CFDP1: variants seen among roughly 807,000 people sequenced by gnomAD.
The protein encoded by CFDP1 is chromatin remodeling protein CFDP1.
CFDP1 carries 31 observed loss-of-function variants against 40.1 expected under a neutral mutation model. The observed-to-expected ratio is 0.77, with a 90% CI of 0.58 to 1.04. CFDP1 has a LOEUF of 1.04. Ranked by LOEUF, CFDP1 falls within the 50% of genes least tolerant of loss-of-function variation. The probability of loss-of-function intolerance (pLI) is 0.00; values close to 1 mark genes in which losing one functional copy is unlikely to be tolerated. For missense variants in CFDP1, 423 were observed against 343.4 expected (o/e 1.23, Z -1.83); for synonymous variants, 167 against 120.0 (o/e 1.39, Z -2.56).
intron 4 of CFDP1, among the ~76,000 whole-genome samples, chr16:75,410,278 T>G (rs1163084042): frequency 6.6e-6 from 1 of 152,182 alleles, no homozygotes; most frequent in Admixed American, 6.5e-5. Flanking sequence ...TGATTGGCAC[T>G]TCCTCTGTTC....
rs1052484100 is a variant in CFDP1 at position 75,433,424 on chromosome 16, G to A, written c.-72C>T. 80 of 1,443,518 alleles carry A rather than the reference G, an allele frequency of 5.5e-5. No homozygotes were observed. The highest frequency in any genetic ancestry group is 4.1e-4 in the Middle Eastern group (2 of 4,900). The allele number at this position is 1,443,518 out of a possible 1,614,324, so 89.4% of individuals were successfully genotyped here. On this transcript the variant is annotated 5_prime_UTR_variant, in exon 1 of 7. Transcript: ENST00000283882. The stretch of plus-strand genomic sequence containing the variant: ...GCCTCCAACGGCAAAGCTCTAGGGA[G>A]AGACCATAGAGCCCCGGCGGCGGCG...
At chr16:75,351,123 C>T (rs2078607525) in intron 5 of CFDP1, among the ~76,000 whole-genome samples, 2 of 152,142 alleles carry the variant, frequency 1.3e-5, no homozygotes, top group African/African-American at 4.8e-5. Flanking sequence ...GACATCTCAT[C>T]ATTCCGGTGT....
chr16:75,297,146 T>TTTTGTGTGTGTGTGTGTGTGTGTGTG (rs1555551779), intron 6 of CFDP1, among the ~76,000 whole-genome samples: 36 of 133,082 alleles, frequency 2.7e-4, no homozygotes, highest in Middle Eastern at 4.0e-3. Context: ...TTCCCATTTC[T>TTTTGTGTGTGTGTGTGTGTGTGTGTG]TGTGTGTGTG....
chr16:75,311,117 C>A (rs184484050), intron 5 of CFDP1, among the ~76,000 whole-genome samples: 3 of 152,252 alleles, frequency 2.0e-5, no homozygotes, highest in East Asian at 1.9e-4. Flanking sequence ...TTTAGTCCAA[C>A]CTCCTTATTT....
At chr16:75,296,495 A>T (rs1380732353) in intron 6 of CFDP1, among the ~76,000 whole-genome samples, 3 of 152,102 alleles carry the variant, frequency 2.0e-5, no homozygotes, top group African/African-American at 7.2e-5. Context: ...TTGGCCTCCC[A>T]AGTGCTAGGA....
At chr16:75,365,322 G>C (rs1235473943) in intron 5 of CFDP1, among the ~76,000 whole-genome samples, 1 of 152,158 alleles carries the variant, frequency 6.6e-6, no homozygotes, top group African/African-American at 2.4e-5. Flanking sequence ...ATATACTCTG[G>C]CCAATACATA....
chr16:75,430,806 C>T (rs528686079), intron 1 of CFDP1, among the ~76,000 whole-genome samples: 48 of 152,220 alleles, frequency 3.2e-4, no homozygotes, highest in African/African-American at 1.1e-3. Flanking sequence ...AGCAGACAGG[C>T]TTCAGAGAGA....
Position 75,414,598 on chromosome 16 carries a change from C to G in CFDP1, c.162G>C (p.Lys54Asn). ...QTQKTQGKKR[K>N]AQSIPARKRR... is the part of the protein sequence containing the mutation. ...ATCACCTGGCTGGAATGCTCTGGGCCTTTCTTTTTTTCCCTTGGGTTTTCT... is the reference window on the plus strand; with the variant it reads ...ATCACCTGGCTGGAATGCTCTGGGCGTTTCTTTTTTTCCCTTGGGTTTTCT... Residue 54 changes from lysine (K) to asparagine (N), a missense_variant, in exon 2 of 7, where the codon AAG becomes AAC. Coordinates refer to ENST00000283882, the MANE Select transcript of CFDP1 (RefSeq NM_006324.3). 2 of 1,613,316 alleles carry G rather than the reference C, an allele frequency of 1.2e-6. No homozygotes were observed. The highest frequency in any genetic ancestry group is 8.5e-7 in the Non-Finnish European group (1 of 1,179,354).
At chr16:75,380,123 G>C (rs549742143) in intron 5 of CFDP1, 1 of 150,770 alleles carries the variant, frequency 6.6e-6, no homozygotes, top group Admixed American at 6.6e-5. Flanking sequence ...GGGCAACACA[G>C]CAAAACTCCA....
chr16:75,426,603 G>A (rs2079345326), intron 1 of CFDP1, among the ~76,000 whole-genome samples: 1 of 151,932 alleles, frequency 6.6e-6, no homozygotes, highest in Non-Finnish European at 1.5e-5. Flanking sequence ...TTGAGCCCAG[G>A]AAGTAAAGGT....
Position 75,412,696 on chromosome 16 carries a change from C to T in CFDP1, c.241G>A (p.Glu81Lys), listed in dbSNP as rs557051160. The T allele has an allele frequency of 2.5e-6, 4 of 1,614,148 alleles. No homozygotes were observed. Among genetic ancestry groups the T allele is most frequent in the Admixed American group, 3.3e-5 (2 of 60,010 alleles). Residue 81 changes from glutamate to lysine, a missense_variant, in exon 3 of 7, where the codon GAA becomes AAA. By Grantham distance (56) the Glu-to-Lys change is moderately conservative. Transcript: ENST00000283882. ...TCCTCACTACTGCTTCCCTCAGATT[C>T]TGAATTGGCATCCTCCTCTTCCTCT... Reference protein sequence around the residue: ...EEEEEEDANSESEGSSSEEED... With the variant: ...EEEEEEDANSKSEGSSSEEED...
At chr16:75,326,753 C>T (rs1396435165) in intron 5 of CFDP1, among the ~76,000 whole-genome samples, 1 of 152,150 alleles carries the variant, frequency 6.6e-6, no homozygotes, top group Non-Finnish European at 1.5e-5. Context: ...TTCAAGACAT[C>T]CAAATGGCTT....
At chr16:75,398,981 C>G (rs1443372693) in intron 4 of CFDP1, among the ~76,000 whole-genome samples, 2 of 150,548 alleles carry the variant, frequency 1.3e-5, no homozygotes, top group Non-Finnish European at 3.0e-5. Flanking sequence ...AGTGGGAACC[C>G]GGGAGGTGGA....
chr16:75,299,163 A>C lies in CFDP1; in HGVS notation c.810-5121T>G, dbSNP rs936359095. ...CTGGGAGTCTGGAGCTCAGAGGAAA[A>C]GCAGCAATTCTTTGCTGGACAAATG... On this transcript the variant is annotated intron_variant, in intron 6 of 6. Coordinates refer to ENST00000283882, the MANE Select transcript of CFDP1 (RefSeq NM_006324.3). Among the ~76,000 whole-genome samples the C allele has an allele frequency of 1.9e-4, 29 of 152,216 alleles. 1 individual carries two copies. The highest frequency in any genetic ancestry group is 7.0e-4 in the African/African-American group (29 of 41,452).
chr16:75,432,532 C>G (rs1181057294), intron 1 of CFDP1, among the ~76,000 whole-genome samples: 1 of 151,990 alleles, frequency 6.6e-6, no homozygotes, highest in South Asian at 2.1e-4. Context: ...GCCTAGACAA[C>G]AGCAAGACCC....
chr16:75,299,487 C>G (rs531436604), intron 6 of CFDP1, among the ~76,000 whole-genome samples: 1 of 150,590 alleles, frequency 6.6e-6, no homozygotes, highest in African/African-American at 2.4e-5. Flanking sequence ...CCCAGCTACT[C>G]GGGAGGCTGA....
intron 5 of CFDP1, chr16:75,379,671 G>C (rs1025823733): frequency 4.6e-5 from 7 of 152,152 alleles, no homozygotes; most frequent in African/African-American, 1.7e-4. Flanking sequence ...ATATGAAAAT[G>C]TTCTGTATCT....
chr16:75,390,261 G>A (rs1359601727), intron 5 of CFDP1, among the ~76,000 whole-genome samples: 1 of 152,194 alleles, frequency 6.6e-6, no homozygotes, highest in African/African-American at 2.4e-5. Context: ...ACAGCCTGAT[G>A]AAGACTCTCC....
chr16:75,405,749 C>CAAAAAAAAAAAAAAA (rs35698522), intron 4 of CFDP1, among the ~76,000 whole-genome samples: 1 of 100,456 alleles, frequency 1.0e-5, no homozygotes, highest in Non-Finnish European at 1.9e-5. Context: ...GACTCCATCT[C>CAAAAAAAAAAAAAAA]AAAAAAAAAA....
Sources: allele counts gnomAD v4.1 joint callset (sites outside exome capture counted in the v4.1 genomes callset), GRCh38; gene constraint gnomAD v4.1.1; transcripts MANE v1.5; gene names NCBI Gene and HGNC (gene_info 2026-07-23, HGNC 2026-07-21).